Variants in GRID2 observed in about 807,000 individuals in gnomAD.
GRID2 encodes the protein glutamate receptor ionotropic, delta-2.
A neutral mutation model predicts 114.8 loss-of-function variants in GRID2; 33 were observed. The observed-to-expected ratio is 0.29, with a 90% CI of 0.22 to 0.38. The LOEUF is 0.38. Among genes scored for constraint, GRID2 ranks in the 10% least tolerant of loss-of-function variants. The pLI is 1.00. For missense variants in GRID2, 1,184 were observed against 1,257.7 expected (o/e 0.94, Z 0.89); for synonymous variants, 505 against 449.9 (o/e 1.12, Z -1.55).
chr4:93,455,369 A>C (rs1448474778), intron 10 of GRID2, among the ~76,000 whole-genome samples: 1 of 152,132 alleles, frequency 6.6e-6, no homozygotes, highest in Non-Finnish European at 1.5e-5. Context: ...CCACGAAAAA[A>C]GACAATTTTC....
chr4:92,859,827 A>T (rs1470074665), intron 2 of GRID2, among the ~76,000 whole-genome samples: 3 of 152,280 alleles, frequency 2.0e-5, no homozygotes, highest in Non-Finnish European at 4.4e-5. Flanking sequence ...AGAGTTTCTC[A>T]GTCTTGACAC....
chr4:92,335,886 G>A (rs904311581), intron 1 of GRID2, among the ~76,000 whole-genome samples: 1 of 152,174 alleles, frequency 6.6e-6, no homozygotes, highest in African/African-American at 2.4e-5. Flanking sequence ...AGTTTTTAAA[G>A]AGCTATGTGG....
At chr4:93,761,348 C>G (rs770244876) in intron 14 of GRID2, among the ~76,000 whole-genome samples, 2 of 152,168 alleles carry the variant, frequency 1.3e-5, no homozygotes, top group Non-Finnish European at 2.9e-5. Flanking sequence ...AACTTATTGG[C>G]TTATAGAGTT....
At chr4:93,338,078 T>A (rs1759269641) in intron 8 of GRID2, among the ~76,000 whole-genome samples, 1 of 152,214 alleles carries the variant, frequency 6.6e-6, no homozygotes, top group Non-Finnish European at 1.5e-5. Context: ...TGATATATTT[T>A]GTTTATATAA....
chr4:92,827,062 T>A (rs1741755459), intron 2 of GRID2, among the ~76,000 whole-genome samples: 1 of 152,084 alleles, frequency 6.6e-6, no homozygotes, highest in South Asian at 2.1e-4. Flanking sequence ...TCCAGTTACA[T>A]TCCTGTATAA....
At chr4:92,608,995 AG>A (rs946465119) in intron 2 of GRID2, among the ~76,000 whole-genome samples, 12 of 151,840 alleles carry the variant, frequency 7.9e-5, no homozygotes, top group African/African-American at 2.9e-4. Flanking sequence ...AGCAAATAAA[AG>A]ACATAAATAA....
chr4:92,931,640 A>C (rs1750246137), intron 2 of GRID2, among the ~76,000 whole-genome samples: 1 of 150,916 alleles, frequency 6.6e-6, no homozygotes, highest in South Asian at 2.1e-4. Context: ...ACACACACAC[A>C]CACAGCATTC....
chr4:93,164,357 C>A (rs978280802), intron 4 of GRID2, among the ~76,000 whole-genome samples: 5 of 151,976 alleles, frequency 3.3e-5, no homozygotes, highest in Non-Finnish European at 5.9e-5. Flanking sequence ...AGGATAGCAG[C>A]ACTGAGTAGT....
chr4:93,573,636 A>C (rs1178671534), intron 13 of GRID2, among the ~76,000 whole-genome samples: 1 of 152,146 alleles, frequency 6.6e-6, no homozygotes, highest in Non-Finnish European at 1.5e-5. Flanking sequence ...TGGACTTTTT[A>C]ATTCTATGAA....
chr4:92,410,835 ATTTTTTT>A (rs5860274), intron 1 of GRID2, among the ~76,000 whole-genome samples: 28 of 117,874 alleles, frequency 2.4e-4, no homozygotes, highest in African/African-American at 3.9e-4. Flanking sequence ...CTGCAAAAGC[ATTTTTTT>A]TTTTTTTTTT....
intron 1 of GRID2, among the ~76,000 whole-genome samples, chr4:92,368,798 G>A (rs1728987590): frequency 6.6e-6 from 1 of 151,798 alleles, no homozygotes; most frequent in African/African-American, 2.4e-5. Context: ...ATGACCTGAA[G>A]GAAAAATCAA....
At position 93,378,768 on chromosome 4, in the gene GRID2, G is replaced by A. The variant is rs144700323; in HGVS notation, c.1246-16839G>A. On this transcript the variant is annotated intron_variant, in intron 8 of 15. Coordinates refer to ENST00000282020, the MANE Select transcript of GRID2 (RefSeq NM_001510.4). ...TCTGAATCTATGTCTTTATTATTTG[G>A]CTTAAAACCTTTGTGCATCTGGTGC... Among the ~76,000 whole-genome samples, 926 of 151,938 alleles carry A rather than the reference G, an allele frequency of 6.1e-3. 3 individuals are homozygous for A. Among genetic ancestry groups the A allele is most frequent in the Non-Finnish European group, 1.0e-2 (679 of 67,912 alleles).
intron 9 of GRID2, among the ~76,000 whole-genome samples, chr4:93,407,113 T>C (rs570610510): frequency 3.9e-5 from 6 of 152,182 alleles, no homozygotes; most frequent in Admixed American, 3.9e-4. Flanking sequence ...AAAAACTAAG[T>C]CCCTAACTGG....
chr4:93,124,472 C>G (rs1437138359), intron 4 of GRID2, among the ~76,000 whole-genome samples: 1 of 152,192 alleles, frequency 6.6e-6, no homozygotes, highest in South Asian at 2.1e-4. Flanking sequence ...CTATTAATTC[C>G]ATTTCCAGAC....
chr4:92,881,312 C>T (rs1745994398), intron 2 of GRID2, among the ~76,000 whole-genome samples: 1 of 152,124 alleles, frequency 6.6e-6, no homozygotes, highest in South Asian at 2.1e-4. Context: ...TGTCATTTTC[C>T]TGGCTTCTTT....
At chr4:92,543,262 G>A (rs950211193) in intron 1 of GRID2, among the ~76,000 whole-genome samples, 1 of 152,078 alleles carries the variant, frequency 6.6e-6, no homozygotes. Flanking sequence ...CATTTTGCAG[G>A]TTAGGAAATT....
intron 2 of GRID2, among the ~76,000 whole-genome samples, chr4:92,680,490 G>T (rs575354136): frequency 6.6e-6 from 1 of 151,984 alleles, no homozygotes; most frequent in East Asian, 1.9e-4. Flanking sequence ...TTTAAAAGAG[G>T]TCTCCCCCAA....
At chr4:92,537,320 G>A (rs907960432) in intron 1 of GRID2, among the ~76,000 whole-genome samples, 17 of 152,024 alleles carry the variant, frequency 1.1e-4, no homozygotes, top group African/African-American at 2.2e-4. Context: ...ATTAATAAGC[G>A]TTTAGTTCAT....
chr4:93,683,018 A>G (rs1472595001), intron 14 of GRID2, among the ~76,000 whole-genome samples: 7 of 152,092 alleles, frequency 4.6e-5, no homozygotes, highest in African/African-American at 7.2e-5. Context: ...TGAGGGAAAT[A>G]TGATTCAATA....
Sources: allele counts gnomAD v4.1 joint callset (sites outside exome capture counted in the v4.1 genomes callset), GRCh38; gene constraint gnomAD v4.1.1; transcripts MANE v1.5; gene names NCBI Gene and HGNC (gene_info 2026-07-23, HGNC 2026-07-21).